The following ALG10B variants were observed in gnomAD, a reference collection of about 807,000 sequenced individuals.
The protein encoded by ALG10B is ALG10 alpha-1,2-glucosyltransferase B, also known as dol-P-Glc:Glc(2)Man(9)GlcNAc(2)-PP-Dol alpha-1,2-glucosyltransferase B.
Under a neutral mutation model 38.7 loss-of-function variants are expected in ALG10B, and 27 were observed. The ratio of observed to expected loss-of-function variants is 0.70; its 90% CI spans 0.51 to 0.96. ALG10B has a LOEUF of 0.96. Among genes scored for constraint, ALG10B ranks in the 40% least tolerant of loss-of-function variants. The pLI is 0.00. For synonymous variants in ALG10B, 177 were observed against 193.3 expected (o/e 0.92, Z 0.70); for missense variants, 522 against 542.7 (o/e 0.96, Z 0.38).
Position 38,316,868 on chromosome 12 carries a change from C to A in ALG10B, c.-26C>A, listed in dbSNP as rs1455924423. 1.2e-6 allele frequency: 2 copies of A among 1,614,004 alleles called. No individual in the cohort carries two copies. Among genetic ancestry groups the A allele is most frequent in the Non-Finnish European group, 1.7e-6 (2 of 1,179,958 alleles). ...GCTCAGAATTTTCCAGGAGTGGGTTCTTGGGCAGTGGCTGTGGGAGCAGGA... is the reference window on the plus strand; with the variant it reads ...GCTCAGAATTTTCCAGGAGTGGGTTATTGGGCAGTGGCTGTGGGAGCAGGA... On this transcript the variant is annotated 5_prime_UTR_variant, in exon 1 of 3. Coordinates refer to ENST00000308742, the MANE Select transcript of ALG10B (RefSeq NM_001013620.4).
rs1945690798 is a variant in ALG10B at position 38,320,371 on chromosome 12, G to A, written c.580G>A (p.Val194Ile). 3.7e-6 allele frequency: 6 copies of A among 1,613,968 alleles called. No individual in the cohort carries two copies. The African/African-American group carries it at 6.7e-5, about 18-fold the overall frequency. The change falls in exon 3 of 3, where the codon GTC (valine) becomes ATC (isoleucine). Residue 194 changes from valine to isoleucine, a missense_variant. Coordinates refer to ENST00000308742, the MANE Select transcript of ALG10B (RefSeq NM_001013620.4). ...TCGGCAAACAAATATCATCTGGGCTGTCTTCTGTGCAGGGAATGTCATTGC... is the reference window on the plus strand; with the variant it reads ...TCGGCAAACAAATATCATCTGGGCTATCTTCTGTGCAGGGAATGTCATTGC... ...MFRQTNIIWA[V>I]FCAGNVIAQK...
In ALG10B at chr12:38,321,361, CAT is replaced by C; in HGVS notation, c.*151_*152del. On this transcript the variant is annotated 3_prime_UTR_variant, in exon 3 of 3. Coordinates refer to ENST00000308742, the MANE Select transcript of ALG10B (RefSeq NM_001013620.4). ...TAGTTTTTTTAATATATATTTTAAACATATGTAAGAAATTAAGTGGCAAAGAA... is the reference window on the plus strand; with the variant it reads ...TAGTTTTTTTAATATATATTTTAAACATGTAAGAAATTAAGTGGCAAAGAA... 5.3e-6 allele frequency: 4 copies of C among 756,224 alleles called. No individual in the cohort carries two copies. The highest frequency in any genetic ancestry group is 7.8e-6 in the Non-Finnish European group (4 of 515,978). The allele number at this position is 756,224 out of a possible 1,614,324, so 46.8% of individuals were successfully genotyped here.
chr12:38,327,387 G>T lies in ALG10B; in HGVS notation c.*6174G>T, dbSNP rs1402227939. ...AGAAAAAGTAACAATAATAATGATG[G>T]TTGCCATCATTCATTGAACACCTAT... On this transcript the variant is annotated 3_prime_UTR_variant, in exon 3 of 3. Coordinates refer to ENST00000308742, the MANE Select transcript of ALG10B (RefSeq NM_001013620.4). 6.6e-6 allele frequency: 1 copy of T among 152,066 alleles called. No individual in the cohort carries two copies. The highest frequency in any genetic ancestry group is 2.4e-5 in the African/African-American group (1 of 41,394). 9.4% of individuals were successfully genotyped at this position (152,066 alleles called of 1,614,324 possible).
At chr12:38,320,019 C>G (rs1185731760) in intron 2 of ALG10B, 142 bp from the exon 3 acceptor site, 3 of 1,106,410 alleles carry the variant, frequency 2.7e-6, no homozygotes, top group Non-Finnish European at 3.9e-6. Flanking sequence ...TTTTGCAAAG[C>G]CAGAGATAAG....
rs62001042 is a variant in ALG10B at position 38,318,306 on chromosome 12, G to A, written c.217G>A (p.Val73Ile). 1.9e-6 allele frequency: 3 copies of A among 1,614,158 alleles called. No individual in the cohort carries two copies. The highest frequency in any genetic ancestry group is 1.7e-6 in the Non-Finnish European group (2 of 1,180,020). The change falls in exon 2 of 3, where the codon GTT becomes ATT. Residue 73 changes from valine (V) to isoleucine (I), a missense_variant. By Grantham distance (29) the Val-to-Ile change is conservative. Coordinates refer to ENST00000308742, the MANE Select transcript of ALG10B (RefSeq NM_001013620.4). ...TTLPGLYLVSVGVVKPAIWIF... is the reference protein window; with the variant it reads ...TTLPGLYLVSIGVVKPAIWIF... Reference sequence around the variant, plus strand: ...ATTACCTGGCTTGTACCTGGTGTCAGTTGGAGTGGTCAAACCTGCCATTTG... The same window carrying A: ...ATTACCTGGCTTGTACCTGGTGTCAATTGGAGTGGTCAAACCTGCCATTTG...
intron 1 of ALG10B, 45 bp downstream of exon 1, chr12:38,317,109 T>A: frequency 1.2e-6 from 2 of 1,612,608 alleles, no homozygotes; most frequent in Non-Finnish European, 1.7e-6. Flanking sequence ...GCCTGAAAGG[T>A]CCCAGCGTCC....
Position 38,323,701 on chromosome 12 carries a change from G to T in ALG10B, c.*2488G>T, listed in dbSNP as rs187665842. 168 of 555,148 alleles carry T rather than the reference G, an allele frequency of 3.0e-4. No homozygotes were observed. Among genetic ancestry groups the T allele is most frequent in the African/African-American group, 2.8e-3 (149 of 53,230 alleles). The allele number at this position is 555,148 out of a possible 1,614,324, so 34.4% of individuals were successfully genotyped here. A position where few individuals can be genotyped will look rare whatever the true frequency, so the allele number is the denominator to read the frequency against. On this transcript the variant is annotated 3_prime_UTR_variant, in exon 3 of 3. Transcript: ENST00000308742. ...ACTCTAGTACTCAGAAAATAGATCG[G>T]CATTAGTTATAACAGTGATTGTAGA...
At chr12:38,320,064 G>A in intron 2 of ALG10B, 97 bp from the exon 3 acceptor site, 1 of 1,422,368 alleles carries the variant, frequency 7.0e-7, no homozygotes, top group Non-Finnish European at 9.8e-7. Flanking sequence ...AATAAGGTTT[G>A]AGTAGTTGAG....
upstream of ALG10B, chr12:38,316,695 C>T: frequency 1.2e-6 from 1 of 824,896 alleles, no homozygotes; most frequent in Non-Finnish European, 2.0e-6. Context: ...GGTCCGTTAT[C>T]TAAACCCGTC....
chr12:38,319,479 T>A (rs1442763544), intron 2 of ALG10B, among the ~76,000 whole-genome samples: 1 of 152,110 alleles, frequency 6.6e-6, no homozygotes, highest in Non-Finnish European at 1.5e-5. Context: ...TTAATTTTAA[T>A]CAAGGAAATG....
At chr12:38,319,556 A>G (rs1332785081) in intron 2 of ALG10B, among the ~76,000 whole-genome samples, 1 of 152,228 alleles carries the variant, frequency 6.6e-6, no homozygotes, top group Non-Finnish European at 1.5e-5. Flanking sequence ...AACACTTTCA[A>G]ATTCTGAAAT....
In ALG10B at chr12:38,324,082, G is replaced by A. The variant is rs1945723637; in HGVS notation, c.*2869G>A. ...AGTCTCGCTCTTGTCCCCCAGGCTG[G>A]AATGCAATGGCGCGATCTTGGCTCA... On this transcript the variant is annotated 3_prime_UTR_variant, in exon 3 of 3. Transcript: ENST00000308742. The A allele has an allele frequency of 1.6e-6, 1 of 616,036 alleles. No homozygotes were observed. The allele number at this position is 616,036 out of a possible 1,614,324, so 38.2% of individuals were successfully genotyped here.
chr12:38,319,711 C>T (rs1945684779), intron 2 of ALG10B, among the ~76,000 whole-genome samples: 1 of 152,142 alleles, frequency 6.6e-6, no homozygotes, highest in Non-Finnish European at 1.5e-5. Context: ...TGTTTACATT[C>T]TCCCTTGTGT....
rs559470798 is a variant in ALG10B, at chr12:38,323,581, T to C, written c.*2368T>C. ...TGTCAAATTTTGCTTCTCTGAGTTT[T>C]AAGTGATGAGTCTACATTTACAAAT... On this transcript the variant is annotated 3_prime_UTR_variant, in exon 3 of 3. Transcript: ENST00000308742. 144 of 229,348 alleles carry C rather than the reference T, an allele frequency of 6.3e-4. No homozygotes were observed. Among genetic ancestry groups the C allele is most frequent in the African/African-American group, 3.1e-3 (136 of 44,458 alleles). The allele number at this position is 229,348 out of a possible 1,614,324, so 14.2% of individuals were successfully genotyped here.
rs757131129 is a variant in ALG10B, at chr12:38,321,059, T to A, written c.1268T>A (p.Val423Asp). The A allele has an allele frequency of 2.5e-6, 4 of 1,613,728 alleles. No homozygotes were observed. In the Admixed American group the frequency reaches 5.0e-5, roughly 20 times the overall value. Reference protein sequence around the residue: ...LEFRYFILPYVIYRLNITLPP... With the variant: ...LEFRYFILPYDIYRLNITLPP... Reference sequence around the variant, plus strand: ...TTTCGTTACTTCATTTTACCTTATGTCATTTATAGGCTTAACATAACTCTG... The same window carrying A: ...TTTCGTTACTTCATTTTACCTTATGACATTTATAGGCTTAACATAACTCTG... The change falls in exon 3 of 3, where the codon GTC becomes GAC. Residue 423 changes from valine (V) to aspartate (D), a missense_variant. Physicochemically the swap from Val to Asp is radical, Grantham distance 152 (BLOSUM62 -3). Coordinates refer to ENST00000308742, the MANE Select transcript of ALG10B (RefSeq NM_001013620.4).
At chr12:38,320,086 A>G (rs1945687502) in intron 2 of ALG10B, 75 bp from the exon 3 acceptor site, 1 of 1,568,118 alleles carries the variant, frequency 6.4e-7, no homozygotes, top group Non-Finnish European at 8.8e-7. Context: ...AGTTTTAAAT[A>G]AATCTCTTCA....
chr12:38,318,086 G>A, intron 1 of ALG10B, 175 bp from the exon 2 acceptor site: 1 of 768,108 alleles, frequency 1.3e-6, no homozygotes, highest in Non-Finnish European at 2.2e-6. Flanking sequence ...GCTGGTCCGG[G>A]GGCAAAAAAT....
chr12:38,318,429 C>A lies in ALG10B; in HGVS notation c.340C>A (p.Leu114Ile), dbSNP rs763081108. 2 of 1,614,002 alleles carry A rather than the reference C, an allele frequency of 1.2e-6. No individual in the cohort carries two copies. The highest frequency in any genetic ancestry group is 2.2e-5 in the South Asian group (2 of 91,084). ...SVGNFYLLYL[L>I]FHKVQPRNKA... Reference sequence around the variant, plus strand: ...TGGCAACTTCTATTTACTATATTTGCTTTTCCACAAGGTACAACCCAGAAA... The same window carrying A: ...TGGCAACTTCTATTTACTATATTTGATTTTCCACAAGGTACAACCCAGAAA... The change falls in exon 2 of 3, where the codon CTT becomes ATT. Residue 114 changes from leucine to isoleucine, a missense_variant. Transcript: ENST00000308742.
Position 38,326,796 on chromosome 12 carries a change from T to A in ALG10B, c.*5583T>A, listed in dbSNP as rs1945748436. 1.3e-5 allele frequency: 2 copies of A among 151,638 alleles called. No individual in the cohort carries two copies. Among genetic ancestry groups the A allele is most frequent in the African/African-American group, 4.8e-5 (2 of 41,372 alleles). The allele number at this position is 151,638 out of a possible 1,614,324, so 9.4% of individuals were successfully genotyped here. Reference sequence around the variant, plus strand: ...GAGAAAATTATAATAAAAATAGAGATTGAGGACATATTTTTAACATATATC... The same window carrying A: ...GAGAAAATTATAATAAAAATAGAGAATGAGGACATATTTTTAACATATATC... On this transcript the variant is annotated 3_prime_UTR_variant, in exon 3 of 3. Coordinates refer to ENST00000308742, the MANE Select transcript of ALG10B (RefSeq NM_001013620.4).
Sources: gnomAD v4.1 joint callset for allele counts (sites outside exome capture counted in the v4.1 genomes callset) on GRCh38, gnomAD v4.1.1 for gene constraint, MANE v1.5 for transcripts, NCBI Gene and HGNC (gene_info 2026-07-23, HGNC 2026-07-21) for gene names.